LIMK2: variants seen among roughly 807,000 people sequenced by gnomAD.
LIMK2 encodes the protein LIM domain kinase 2.
In LIMK2, 35 loss-of-function variants were observed where a neutral mutation model predicts 75.7. The ratio of observed to expected loss-of-function variants is 0.46; its 90% CI spans 0.35 to 0.61. The LOEUF is 0.61. Ranked by LOEUF, LIMK2 falls within the 20% of genes least tolerant of loss-of-function variation. The probability of loss-of-function intolerance (pLI) is 0.00; values close to 1 mark genes in which losing one functional copy is unlikely to be tolerated. For missense variants in LIMK2, 623 were observed against 831.0 expected, an observed-to-expected ratio of 0.75 and a Z score of 3.08; for synonymous variants, 301 against 319.2, an observed-to-expected ratio of 0.94 and a Z score of 0.61.
Position 31,255,956 on chromosome 22 carries a change from C to T in LIMK2, c.117-2335C>T, listed in dbSNP as rs2048774023. Reference sequence around the variant, plus strand: ...CATCTTTAATAGAAGTTAACACATACTGAGTTTCTACTATATTGGGTCTTT... The same window carrying T: ...CATCTTTAATAGAAGTTAACACATATTGAGTTTCTACTATATTGGGTCTTT... On this transcript the variant is annotated intron_variant, in intron 2 of 15. Coordinates refer to ENST00000331728, the MANE Select transcript of LIMK2 (RefSeq NM_005569.4). Among the ~76,000 whole-genome samples, 7 of 113,756 alleles carry T rather than the reference C, an allele frequency of 6.2e-5. No individual in the cohort carries two copies. In the Admixed American group the frequency reaches 7.4e-4, roughly 12 times the overall value. The allele number at this position is 113,756 out of a possible 152,430, so 74.6% of individuals were successfully genotyped here. A position where few individuals can be genotyped will look rare whatever the true frequency, so the allele number is the denominator to read the frequency against.
intron 2 of LIMK2, among the ~76,000 whole-genome samples, chr22:31,250,908 C>A (rs1283179145): frequency 2.0e-5 from 3 of 152,172 alleles, no homozygotes. Flanking sequence ...AGTACAAAGT[C>A]TATGGGAGTT....
intron 5 of LIMK2, among the ~76,000 whole-genome samples, chr22:31,260,848 A>C (rs2048830894): frequency 6.6e-6 from 1 of 152,188 alleles, no homozygotes; most frequent in Non-Finnish European, 1.5e-5. Context: ...ATGTAGGTTG[A>C]GTGTGGCCAG....
chr22:31,231,980 A>AT (rs912755584), intron 2 of LIMK2, among the ~76,000 whole-genome samples: 16 of 150,800 alleles, frequency 1.1e-4, no homozygotes, highest in South Asian at 6.3e-4. Context: ...ACACCTTGCC[A>AT]TTTTTTTTTA....
chr22:31,214,431 T>G (rs1007926152), intron 1 of LIMK2, among the ~76,000 whole-genome samples: 7 of 152,162 alleles, frequency 4.6e-5, no homozygotes, highest in Admixed American at 2.6e-4. Flanking sequence ...ACAATTGAGA[T>G]AAGTGCTGTA....
rs751602623 is a variant in LIMK2, at chr22:31,275,214, G to C, written c.1678G>C (p.Val560Leu). The stretch of plus-strand genomic sequence containing the variant: ...CCGAACACTGGACTTTGGCCTCAAC[G>C]TGAAGCTTTTCTGGGAGAAGTTTGT... ...LPRTLDFGLN[V>L]KLFWEKFVPT... Residue 560 changes from valine to leucine, a missense_variant, in exon 15 of 16, where the codon GTG (valine) becomes CTG (leucine). Physicochemically the swap from Val to Leu is conservative, Grantham distance 32. Transcript: ENST00000331728. 7.4e-6 allele frequency: 12 copies of C among 1,614,066 alleles called. No homozygotes were observed. The highest frequency in any genetic ancestry group is 9.3e-6 in the Non-Finnish European group (11 of 1,180,042).
chr22:31,221,057 A>G (rs1195886116), intron 1 of LIMK2, among the ~76,000 whole-genome samples: 3 of 152,220 alleles, frequency 2.0e-5, no homozygotes, highest in Non-Finnish European at 4.4e-5. Context: ...ATGCAAGTAC[A>G]TGAATAAAAG....
In LIMK2 at chr22:31,262,473, A is replaced by G. The variant is rs1408471366; in HGVS notation, c.658-122A>G. The G allele has an allele frequency of 4.1e-6, 4 of 985,030 alleles. No individual in the cohort carries two copies. The African/African-American group carries it at 6.5e-5, about 16-fold the overall frequency. The allele number at this position is 985,030 out of a possible 1,614,324, so 61.0% of individuals were successfully genotyped here. On this transcript the variant is annotated intron_variant, in intron 6 of 15. Coordinates refer to ENST00000331728, the MANE Select transcript of LIMK2 (RefSeq NM_005569.4). This position sits in a 1 kb window ranked among gnomAD's most constrained non-coding sequence, Gnocchi z 5.0. ...CAGAGGGCACTGTGAGGCCACTGGCAGCTAAAGGCCACCATTAGACAAGTT... is the reference window on the plus strand; with the variant it reads ...CAGAGGGCACTGTGAGGCCACTGGCGGCTAAAGGCCACCATTAGACAAGTT...
In LIMK2 at chr22:31,267,033, G is replaced by A. The variant is rs772143318; in HGVS notation, c.1091G>A (p.Arg364Gln). The stretch of plus-strand genomic sequence containing the variant: ...GTGATGGTCATGAAAGAGTTAATTC[G>A]ATGTGATGAGGAGACCCAGAAAACT... ...GKVMVMKELI[R>Q]CDEETQKTFL... Residue 364 changes from arginine (R) to glutamine (Q), a missense_variant, in exon 9 of 16, where the codon CGA (arginine) becomes CAA (glutamine). By Grantham distance (43) the Arg-to-Gln change is conservative. This residue lies in a region of LIMK2 where 514 missense variants were observed against 661.3 expected (regional missense o/e 0.78). Transcript: ENST00000331728. The A allele has an allele frequency of 5.6e-6, 9 of 1,609,694 alleles. No homozygotes were observed. The highest frequency in any genetic ancestry group is 2.2e-5 in the South Asian group (2 of 90,194).
intron 7 of LIMK2, among the ~76,000 whole-genome samples, chr22:31,265,068 C>T (rs1161264065): frequency 6.6e-6 from 1 of 152,066 alleles, no homozygotes; most frequent in Non-Finnish European, 1.5e-5. Flanking sequence ...GTGGCACACG[C>T]CTGTAATCCC....
chr22:31,277,702 A>G, intron 15 of LIMK2: 1 of 245,458 alleles, frequency 4.1e-6, no homozygotes, highest in Non-Finnish European at 6.5e-6. Flanking sequence ...GAACAAAATA[A>G]AGGTGCTTAC....
rs2048814159 is a variant in LIMK2, at chr22:31,259,237, T to C, written c.362+7T>C. ...AGCATGCCACCCTCTACTGGTAAGA[T>C]AGTGGTCCTTTGTCTATCCTCTCCC... is the stretch of plus-strand genomic sequence containing the variant. On this transcript the variant is annotated splice_region_variant and intron_variant, in intron 4 of 15. Transcript: ENST00000331728. 2 of 1,556,466 alleles carry C rather than the reference T, an allele frequency of 1.3e-6. No homozygotes were observed. Among genetic ancestry groups the C allele is most frequent in the Admixed American group, 1.7e-5 (1 of 59,866 alleles).
intron 1 of LIMK2, among the ~76,000 whole-genome samples, chr22:31,220,146 A>C (rs2048421820): frequency 6.6e-6 from 1 of 152,198 alleles, no homozygotes; most frequent in East Asian, 1.9e-4. Context: ...AAGAGAGCTA[A>C]AGAAGTCAAG....
chr22:31,218,414 G>A (rs182473750), intron 1 of LIMK2, among the ~76,000 whole-genome samples: 15 of 152,228 alleles, frequency 9.9e-5, no homozygotes, highest in Non-Finnish European at 1.8e-4. Context: ...TGAAAAAGGA[G>A]AGGCCCTTGG....
chr22:31,260,739 G>C (rs538447647), intron 5 of LIMK2, among the ~76,000 whole-genome samples: 1 of 152,316 alleles, frequency 6.6e-6, no homozygotes, highest in African/African-American at 2.4e-5. Flanking sequence ...GAGGAGCTAA[G>C]GTCTGTTCTA....
rs201466946 is a variant in LIMK2 at position 31,266,127 on chromosome 22, A to G, written c.1036A>G (p.Ile346Val). 3.7e-5 allele frequency: 60 copies of G among 1,614,000 alleles called. No individual in the cohort carries two copies. The highest frequency in any genetic ancestry group is 1.3e-4 in the East Asian group (6 of 44,894). The part of the protein sequence containing the change: ...VLGKGFFGQA[I>V]KVTHKATGKV... The stretch of plus-strand genomic sequence containing the variant: ...GGGGAAGGGCTTCTTTGGGCAGGCT[A>G]TCAAGGTGAGCGCAGGCAACAATTG... The change falls in exon 8 of 16, where the codon ATC (isoleucine) becomes GTC (valine). Residue 346 changes from isoleucine to valine, a missense_variant. This residue lies in a region of LIMK2 where 514 missense variants were observed against 661.3 expected (regional missense o/e 0.78). Coordinates refer to ENST00000331728, the MANE Select transcript of LIMK2 (RefSeq NM_005569.4).
chr22:31,277,386 A>C, intron 15 of LIMK2: 1 of 1,302,888 alleles, frequency 7.7e-7, no homozygotes, highest in East Asian at 3.5e-5. Context: ...CCTTTAATAA[A>C]GCGAGGTAGG....
At chr22:31,244,543 G>T (rs764303160) in intron 2 of LIMK2, among the ~76,000 whole-genome samples, 12 of 151,884 alleles carry the variant, frequency 7.9e-5, no homozygotes, top group Admixed American at 1.3e-4. Context: ...GTGTCCCCTC[G>T]GCTAGGATCC....
rs541357966 is a variant in LIMK2 at position 31,248,415 on chromosome 22, G to C, written c.117-9876G>C. On this transcript the variant is annotated intron_variant, in intron 2 of 15. Coordinates refer to ENST00000331728, the MANE Select transcript of LIMK2 (RefSeq NM_005569.4). ...CACCGGCCCCTGCTCAAGAATGCCA[G>C]TGTGTGTGTAGCCTCCACAGAGAGG... The C allele has an allele frequency of 9.2e-6, 13 of 1,408,384 alleles. No individual in the cohort carries two copies. The African/African-American group carries it at 1.7e-4, about 19-fold the overall frequency. The allele number at this position is 1,408,384 out of a possible 1,614,324, so 87.2% of individuals were successfully genotyped here.
intron 13 of LIMK2, chr22:31,273,173 T>A: frequency 2.9e-6 from 1 of 345,906 alleles, no homozygotes; most frequent in Non-Finnish European, 4.1e-6. Context: ...TACAGCTGCC[T>A]AATGGCAGAG....
Sources: allele counts gnomAD v4.1 joint callset (sites outside exome capture counted in the v4.1 genomes callset), GRCh38; gene constraint gnomAD v4.1.1; regional missense constraint gnomAD v4.1.1; non-coding constraint Gnocchi (gnomAD v3.1); transcripts MANE v1.5; gene names NCBI Gene and HGNC (gene_info 2026-07-23, HGNC 2026-07-21).